Variants in DPP10 observed in about 807,000 individuals in gnomAD.
The protein encoded by DPP10 is dipeptidyl peptidase like 10.
In DPP10, 33 loss-of-function variants were observed where a neutral mutation model predicts 120.9. The observed-to-expected ratio is 0.27, with a 90% CI of 0.21 to 0.37. DPP10 has a LOEUF of 0.37. Among genes scored for constraint, DPP10 ranks in the 10% least tolerant of loss-of-function variants. The pLI is 1.00. For synonymous variants in DPP10, 337 were observed against 326.1 expected (o/e 1.03, Z -0.36); for missense variants, 816 against 942.8 (o/e 0.87, Z 1.76).
intron 19 of DPP10, among the ~76,000 whole-genome samples, chr2:115,805,452 T>C (rs558450191): frequency 4.3e-4 from 66 of 152,174 alleles, no homozygotes; most frequent in African/African-American, 1.5e-3. Flanking sequence ...ACCCACTGTC[T>C]GGCACTCCCC....
intron 1 of DPP10, among the ~76,000 whole-genome samples, chr2:114,807,451 A>G (rs1467594094): frequency 6.6e-6 from 1 of 152,090 alleles, no homozygotes; most frequent in East Asian, 1.9e-4. Context: ...TACAATAAAT[A>G]TTTTTTAACT....
chr2:114,973,795 G>A (rs1422448543), intron 1 of DPP10, among the ~76,000 whole-genome samples: 2 of 152,124 alleles, frequency 1.3e-5, no homozygotes, highest in South Asian at 4.2e-4. Context: ...ACTTTCCAGT[G>A]GGACAAGATG....
intron 1 of DPP10, among the ~76,000 whole-genome samples, chr2:114,606,169 T>C (rs1692778700): frequency 1.3e-5 from 2 of 152,158 alleles, no homozygotes; most frequent in African/African-American, 4.8e-5. Flanking sequence ...ACTTGAAATC[T>C]GAAACATGGG....
At chr2:114,837,355 G>A (rs957165058) in intron 1 of DPP10, among the ~76,000 whole-genome samples, 5 of 152,088 alleles carry the variant, frequency 3.3e-5, no homozygotes, top group East Asian at 1.9e-4. Context: ...CTGACTTCCC[G>A]CAACAGCTAT....
chr2:115,087,707 C>A (rs1708842874), intron 1 of DPP10, among the ~76,000 whole-genome samples: 1 of 151,824 alleles, frequency 6.6e-6, no homozygotes, highest in South Asian at 2.1e-4. Flanking sequence ...GCATGCATCA[C>A]CACGCCCAGC....
intron 1 of DPP10, among the ~76,000 whole-genome samples, chr2:115,295,399 T>G (rs1023519736): frequency 2.6e-5 from 4 of 152,160 alleles, no homozygotes; most frequent in Admixed American, 6.6e-5. Context: ...ACTACTTTTC[T>G]GCAGATATAA....
intron 1 of DPP10, among the ~76,000 whole-genome samples, chr2:114,856,516 A>G (rs1401876394): frequency 6.6e-6 from 1 of 152,242 alleles, no homozygotes; most frequent in Non-Finnish European, 1.5e-5. Context: ...GTTCATTAAC[A>G]TTATAAATAT....
chr2:115,841,716 A>G (rs917079397), intron 25 of DPP10, among the ~76,000 whole-genome samples: 11 of 152,192 alleles, frequency 7.2e-5, no homozygotes, highest in Non-Finnish European at 1.0e-4. Context: ...AACAGTAACA[A>G]TTTTGTTTAC....
chr2:115,094,369 T>G (rs1358749938), intron 1 of DPP10, among the ~76,000 whole-genome samples: 1 of 152,138 alleles, frequency 6.6e-6, no homozygotes, highest in East Asian at 1.9e-4. Context: ...ATATCTGGAC[T>G]GAGGTATATA....
At chr2:115,715,640 C>G (rs2092469229) in intron 7 of DPP10, among the ~76,000 whole-genome samples, 1 of 152,172 alleles carries the variant, frequency 6.6e-6, no homozygotes, top group Admixed American at 6.6e-5. Context: ...TTCACAGACA[C>G]ATTAGGACTG....
At chr2:114,540,315 A>G (rs1346737492) in intron 1 of DPP10, among the ~76,000 whole-genome samples, 1 of 152,238 alleles carries the variant, frequency 6.6e-6, no homozygotes, top group Non-Finnish European at 1.5e-5. Context: ...ACTGTCATGG[A>G]GAATCTGAGA....
intron 5 of DPP10, among the ~76,000 whole-genome samples, chr2:115,596,985 C>A (rs1249528211): frequency 6.6e-6 from 1 of 152,050 alleles, no homozygotes; most frequent in Non-Finnish European, 1.5e-5. Flanking sequence ...AGAGTGGAGC[C>A]CCTTGGTGAA....
intron 3 of DPP10, among the ~76,000 whole-genome samples, chr2:115,412,494 C>T (rs1286059967): frequency 3.3e-5 from 5 of 152,104 alleles, no homozygotes. Flanking sequence ...GAAGGTTCAT[C>T]GAAATTTAAA....
chr2:114,574,066 GA>G (rs1689862002), intron 1 of DPP10, among the ~76,000 whole-genome samples: 1 of 152,132 alleles, frequency 6.6e-6, no homozygotes, highest in African/African-American at 2.4e-5. Context: ...AAGTGGATCA[GA>G]AATATCCTGT....
chr2:115,036,119 GA>G lies in DPP10; in HGVS notation c.61-273118del, dbSNP rs1265405015. Among the ~76,000 whole-genome samples the G allele has an allele frequency of 2.0e-5, 3 of 152,214 alleles. No individual in the cohort carries two copies. In the East Asian group the frequency reaches 5.8e-4, roughly 29 times the overall value. The stretch of plus-strand genomic sequence containing the variant: ...CCTCAGGAGACTTACAATCATGGCA[GA>G]AGGCAAAGGAGAAGCAGGCACCTTC... On this transcript the variant is annotated intron_variant, in intron 1 of 25. Transcript: ENST00000410059.
chr2:114,576,169 G>A (rs1486745096), intron 1 of DPP10, among the ~76,000 whole-genome samples: 1 of 152,204 alleles, frequency 6.6e-6, no homozygotes, highest in Admixed American at 6.5e-5. Context: ...TAAATAAATG[G>A]CACATTCAGT....
chr2:114,651,996 A>G (rs1241184552), intron 1 of DPP10, among the ~76,000 whole-genome samples: 1 of 152,156 alleles, frequency 6.6e-6, no homozygotes, highest in Non-Finnish European at 1.5e-5. Context: ...CTCCCAGATG[A>G]TTCCTATCCG....
At chr2:115,662,033 C>G (rs895257633) in intron 5 of DPP10, among the ~76,000 whole-genome samples, 1 of 152,134 alleles carries the variant, frequency 6.6e-6, no homozygotes, top group African/African-American at 2.4e-5. Context: ...CCCCTCCCCT[C>G]AGCTCCTTGG....
intron 1 of DPP10, among the ~76,000 whole-genome samples, chr2:114,950,980 C>G (rs181881186): frequency 6.6e-6 from 1 of 152,046 alleles, no homozygotes; most frequent in Non-Finnish European, 1.5e-5. Flanking sequence ...CAAGATACAG[C>G]GCTACAATGA....
Sources: gnomAD v4.1 joint callset for allele counts (sites outside exome capture counted in the v4.1 genomes callset) on GRCh38, gnomAD v4.1.1 for gene constraint, MANE v1.5 for transcripts, NCBI Gene and HGNC (gene_info 2026-07-23, HGNC 2026-07-21) for gene names.